The following MLLT10 variants were observed in gnomAD, a reference collection of about 807,000 sequenced individuals.
The protein encoded by MLLT10 is MLLT10 histone lysine methyltransferase DOT1L cofactor.
A neutral mutation model predicts 129.1 loss-of-function variants in MLLT10; 30 were observed. The ratio of observed to expected loss-of-function variants is 0.23; its 90% CI spans 0.17 to 0.32. MLLT10 has a LOEUF of 0.32. Among genes scored for constraint, MLLT10 ranks in the 10% least tolerant of loss-of-function variants. The probability of loss-of-function intolerance (pLI) is 1.00; values close to 1 mark genes in which losing one functional copy is unlikely to be tolerated. For synonymous variants in MLLT10, 490 were observed against 446.4 expected (o/e 1.10, Z -1.23); for missense variants, 1,119 against 1,268.3 (o/e 0.88, Z 1.79).
chr10:21,720,811 AAAGTT>A (rs2057075680), intron 14 of MLLT10, among the ~76,000 whole-genome samples: 1 of 152,232 alleles, frequency 6.6e-6, no homozygotes, highest in Non-Finnish European at 1.5e-5. Context: ...AATAATTTTT[AAAGTT>A]AAGCTAAAAT....
intron 8 of MLLT10, among the ~76,000 whole-genome samples, chr10:21,634,607 G>C (rs572316017): frequency 2.0e-5 from 3 of 152,060 alleles, no homozygotes; most frequent in Admixed American, 6.6e-5. Context: ...GATGATCTTT[G>C]CCTGAATCTG....
intron 14 of MLLT10, among the ~76,000 whole-genome samples, chr10:21,720,527 C>T (rs1341645192): frequency 6.6e-6 from 1 of 152,196 alleles, no homozygotes; most frequent in East Asian, 1.9e-4. Context: ...TTGCTGGAAA[C>T]TTTTCTAATC....
At chr10:21,705,585 A>G (rs779123054) in intron 13 of MLLT10, among the ~76,000 whole-genome samples, 3 of 152,210 alleles carry the variant, frequency 2.0e-5, no homozygotes, top group Non-Finnish European at 4.4e-5. Context: ...AGTGTAGGCC[A>G]GCAGATGGGG....
chr10:21,633,287 T>C (rs2047166436), intron 8 of MLLT10, among the ~76,000 whole-genome samples: 1 of 152,254 alleles, frequency 6.6e-6, no homozygotes, highest in African/African-American at 2.4e-5. Context: ...AGGAGCATCT[T>C]AGTTATTAAC....
At chr10:21,699,539 G>A (rs1218314036) in intron 13 of MLLT10, among the ~76,000 whole-genome samples, 1 of 151,648 alleles carries the variant, frequency 6.6e-6, no homozygotes, top group African/African-American at 2.4e-5. Flanking sequence ...ATCCATCTTG[G>A]GTTGACTTTT....
intron 9 of MLLT10, among the ~76,000 whole-genome samples, chr10:21,662,304 GCTT>G (rs1477799350): frequency 6.6e-6 from 1 of 151,996 alleles, no homozygotes; most frequent in Non-Finnish European, 1.5e-5. Context: ...TTCAAATATT[GCTT>G]CTTCTCTTTT....
chr10:21,719,758 T>G (rs759964805), intron 14 of MLLT10, among the ~76,000 whole-genome samples: 2 of 152,152 alleles, frequency 1.3e-5, no homozygotes, highest in African/African-American at 4.8e-5. Flanking sequence ...ACAGATACTT[T>G]ATGAGGTTCA....
At chr10:21,639,801 C>T (rs533322058) in intron 8 of MLLT10, among the ~76,000 whole-genome samples, 2 of 152,038 alleles carry the variant, frequency 1.3e-5, no homozygotes, top group South Asian at 4.1e-4. Flanking sequence ...GTTTTATGAC[C>T]CACAATCAGA....
At chr10:21,642,436 T>G (rs992641810) in intron 8 of MLLT10, among the ~76,000 whole-genome samples, 19 of 152,134 alleles carry the variant, frequency 1.2e-4, no homozygotes, top group African/African-American at 4.3e-4. Context: ...GCGGGCAGAT[T>G]ACCTGTGGTC....
chr10:21,726,272 G>T lies in MLLT10; in HGVS notation c.1907G>T (p.Ser636Ile). The change falls in exon 15 of 23, where the codon AGT (serine) becomes ATT (isoleucine). Residue 636 changes from serine (S) to isoleucine (I), a missense_variant. By Grantham distance (142) the Ser-to-Ile change is moderately radical. Transcript: ENST00000307729. ...QANTLSGSSL[S>I]QAPSHMYGNR... Reference sequence around the variant, plus strand: ...AATACTCTATCTGGATCTTCTCTCAGTCAGGCACCATCTCATATGTATGGC... The same window carrying T: ...AATACTCTATCTGGATCTTCTCTCATTCAGGCACCATCTCATATGTATGGC... The T allele has an allele frequency of 6.2e-7, 1 of 1,612,218 alleles. No homozygotes were observed. The highest frequency in any genetic ancestry group is 1.1e-5 in the South Asian group (1 of 90,872).
chr10:21,598,509 GA>G (rs560917295), intron 5 of MLLT10, among the ~76,000 whole-genome samples: 75 of 152,320 alleles, frequency 4.9e-4, no homozygotes, highest in African/African-American at 1.6e-3. Context: ...GCATGGCTAG[GA>G]AATGTGTGTT....
At chr10:21,619,383 A>G (rs1303497989) in intron 8 of MLLT10, among the ~76,000 whole-genome samples, 6 of 152,172 alleles carry the variant, frequency 3.9e-5, no homozygotes, top group Non-Finnish European at 8.8e-5. Flanking sequence ...CGCTTACTAT[A>G]TGATCGTATT....
intron 7 of MLLT10, among the ~76,000 whole-genome samples, chr10:21,615,291 C>T (rs534835984): frequency 2.2e-3 from 339 of 151,550 alleles, no homozygotes; most frequent in Non-Finnish European, 4.1e-3. Flanking sequence ...AACCTCGTCT[C>T]TATTAAAAAT....
Position 21,670,615 on chromosome 10 carries a change from C to T in MLLT10, c.962C>T (p.Ser321Leu), listed in dbSNP as rs1564618209. 6.2e-7 allele frequency: 1 copy of T among 1,614,186 alleles called. No homozygotes were observed. Among genetic ancestry groups the T allele is most frequent in the African/African-American group, 1.3e-5 (1 of 75,056 alleles). Residue 321 changes from serine (S) to leucine (L), a missense_variant, in exon 10 of 23, where the codon TCA becomes TTA. Around this residue, in one of 5 missense-constraint regions of MLLT10, gnomAD observed 1,004 missense variants for 1,008.7 expected, o/e 1.00. Transcript: ENST00000307729. ...TCAGAGGGCAAAGGGAAGAAATCTT[C>T]AGCTCACAGCTCAGGTCAAAGGGGA... The part of the protein sequence containing the change: ...RGSEGKGKKS[S>L]AHSSGQRGRK...
intron 13 of MLLT10, among the ~76,000 whole-genome samples, chr10:21,712,203 C>CATTT (rs60779896): frequency 5.8e-4 from 87 of 150,242 alleles, no homozygotes; most frequent in African/African-American, 9.8e-4. Flanking sequence ...TCAATAACTT[C>CATTT]ATTTATTTAT....
At chr10:21,589,276 A>T (rs1393940011) in intron 4 of MLLT10, among the ~76,000 whole-genome samples, 3 of 147,114 alleles carry the variant, frequency 2.0e-5, no homozygotes, top group African/African-American at 5.0e-5. Flanking sequence ...ATCTTTCATG[A>T]TGTCTGTATT....
chr10:21,637,451 G>T (rs530539482), intron 8 of MLLT10, among the ~76,000 whole-genome samples: 1 of 152,212 alleles, frequency 6.6e-6, no homozygotes, highest in South Asian at 2.1e-4. Context: ...GGAATCTGGC[G>T]TTGTGAATCT....
chr10:21,733,199 C>CTA, intron 18 of MLLT10, 112 bp downstream of exon 18: 1 of 1,112,804 alleles, frequency 9.0e-7, no homozygotes, highest in Non-Finnish European at 1.2e-6. Context: ...AGAAAAGGAA[C>CTA]TATAGGTTGT....
Position 21,608,174 on chromosome 10 carries a change from C to CT in MLLT10, c.406-4162dup, listed in dbSNP as rs780185081. The stretch of plus-strand genomic sequence containing the variant: ...TTAAGTGTTTTCTCTTTATTTTTGG[C>CT]TTTTTTTTTTTTGAGACAGGGTCTT... On this transcript the variant is annotated intron_variant, in intron 5 of 22. Coordinates refer to ENST00000307729, the MANE Select transcript of MLLT10 (RefSeq NM_001195626.3). Among the ~76,000 whole-genome samples the CT allele has an allele frequency of 2.6e-3, 365 of 139,838 alleles. 2 individuals carry two copies. Among genetic ancestry groups the CT allele is most frequent in the Middle Eastern group, 0.011 (3 of 276 alleles). 91.7% of individuals were successfully genotyped at this position (139,838 alleles called of 152,430 possible). A position where few individuals can be genotyped will look rare whatever the true frequency, so the allele number is the denominator to read the frequency against.
Sources: allele counts gnomAD v4.1 joint callset (sites outside exome capture counted in the v4.1 genomes callset), GRCh38; gene constraint gnomAD v4.1.1; regional missense constraint gnomAD v4.1.1; transcripts MANE v1.5; gene names NCBI Gene and HGNC (gene_info 2026-07-23, HGNC 2026-07-21).